Variants in PHLDB2 observed in about 807,000 individuals in gnomAD.
PHLDB2 encodes pleckstrin homology like domain family B member 2.
In PHLDB2, 71 loss-of-function variants were observed where a neutral mutation model predicts 123.6. That is an observed-to-expected ratio of 0.57 (90% CI 0.47 to 0.70). The LOEUF is 0.70. Among genes scored for constraint, PHLDB2 ranks in the 30% least tolerant of loss-of-function variants. PHLDB2 has a pLI of 0.00. For synonymous variants in PHLDB2, 547 were observed against 541.6 expected, an observed-to-expected ratio of 1.01 and a Z score of -0.14; for missense variants, 1,446 against 1,519.5, an observed-to-expected ratio of 0.95 and a Z score of 0.80.
At chr3:111,838,218 C>A (rs1056215097) in intron 1 of PHLDB2, among the ~76,000 whole-genome samples, 1 of 152,078 alleles carries the variant, frequency 6.6e-6, no homozygotes, top group African/African-American at 2.4e-5. Context: ...CCAGGCTTGT[C>A]GCAAACTCCT....
chr3:111,933,629 G>T (rs545684595), intron 6 of PHLDB2, among the ~76,000 whole-genome samples: 77 of 152,220 alleles, frequency 5.1e-4, no homozygotes, highest in African/African-American at 1.8e-3. Flanking sequence ...AGCTGAATTT[G>T]TTGTAAGAAG....
chr3:111,903,496 T>A (rs371245683), intron 2 of PHLDB2, among the ~76,000 whole-genome samples: 1 of 152,138 alleles, frequency 6.6e-6, no homozygotes, highest in Non-Finnish European at 1.5e-5. Context: ...TTTGTGTCCT[T>A]CTAGATAGCC....
chr3:111,774,426 A>G (rs942485878), intron 1 of PHLDB2, among the ~76,000 whole-genome samples: 2 of 152,216 alleles, frequency 1.3e-5, no homozygotes, highest in Non-Finnish European at 2.9e-5. Flanking sequence ...CTGGAAGTTA[A>G]TGGAGATCAG....
chr3:111,859,773 A>C (rs1576914329), intron 1 of PHLDB2, 197 bp downstream of exon 1: 1 of 977,730 alleles, frequency 1.0e-6, no homozygotes, highest in Admixed American at 6.4e-5. Flanking sequence ...GCGAGTCAGG[A>C]GGGGCCGGCG....
chr3:111,741,115 A>C (rs943334950), intron 1 of PHLDB2, among the ~76,000 whole-genome samples: 3 of 152,206 alleles, frequency 2.0e-5, no homozygotes, highest in Non-Finnish European at 4.4e-5. Flanking sequence ...ATTGGACTGG[A>C]TTCTCTAGCA....
intron 13 of PHLDB2, among the ~76,000 whole-genome samples, chr3:111,963,270 G>A (rs946103399): frequency 1.3e-5 from 2 of 152,136 alleles, no homozygotes; most frequent in Non-Finnish European, 2.9e-5. Context: ...ATGATTGAGA[G>A]GATGAAGAAC....
chr3:111,959,027 G>T (rs1285796195), intron 12 of PHLDB2, among the ~76,000 whole-genome samples: 1 of 152,252 alleles, frequency 6.6e-6, no homozygotes, highest in Non-Finnish European at 1.5e-5. Context: ...GCTTCAATGA[G>T]AGTGGAGGCC....
chr3:111,954,015 G>A lies in PHLDB2; in HGVS notation c.2858G>A (p.Arg953Gln), dbSNP rs199924271. 6.2e-6 allele frequency: 10 copies of A among 1,613,152 alleles called. No individual in the cohort carries two copies. Among genetic ancestry groups the A allele is most frequent in the Admixed American group, 1.7e-5 (1 of 59,898 alleles). ...LAAMAKDSES[R>Q]RMLRGYNHQQ... Reference sequence around the variant, plus strand: ...GCCATGGCCAAAGACTCAGAATCTCGGAGGATGCTCAGAGGTACGTACCTT... The same window carrying A: ...GCCATGGCCAAAGACTCAGAATCTCAGAGGATGCTCAGAGGTACGTACCTT... Residue 953 changes from arginine to glutamine, a missense_variant, in exon 12 of 18, where the codon CGG (arginine) becomes CAG (glutamine). Coordinates refer to ENST00000431670, the MANE Select transcript of PHLDB2 (RefSeq NM_001134438.2).
At chr3:111,795,332 C>T (rs1174659481) in intron 1 of PHLDB2, among the ~76,000 whole-genome samples, 1 of 152,120 alleles carries the variant, frequency 6.6e-6, no homozygotes, top group African/African-American at 2.4e-5. Flanking sequence ...TGTACCCTAA[C>T]TGGAAATTTC....
intron 10 of PHLDB2, chr3:111,949,723 G>T (rs774196644): frequency 2.0e-6 from 2 of 985,516 alleles, no homozygotes; most frequent in Non-Finnish European, 2.4e-6. Flanking sequence ...TGTCTATTCT[G>T]GATTTGTGTT....
At chr3:111,855,230 T>G (rs150216814), upstream of PHLDB2, among the ~76,000 whole-genome samples, 75 of 152,298 alleles carry the variant, frequency 4.9e-4, no homozygotes, top group Middle Eastern at 3.4e-3. Context: ...TCAGGGACTG[T>G]AACCACTACA....
At chr3:111,829,987 T>TAGATATGTA (rs2062867071) in intron 1 of PHLDB2, among the ~76,000 whole-genome samples, 6 of 141,708 alleles carry the variant, frequency 4.2e-5, no homozygotes, top group East Asian at 2.1e-4. Flanking sequence ...AACCAAGAAT[T>TAGATATGTA]CCTAAAAGAT....
chr3:111,904,926 T>C (rs2067425590), intron 2 of PHLDB2, among the ~76,000 whole-genome samples: 1 of 152,170 alleles, frequency 6.6e-6, no homozygotes, highest in Non-Finnish European at 1.5e-5. Flanking sequence ...CATTGCTTAA[T>C]GATGGGAATG....
chr3:111,942,368 A>T (rs765665076), intron 8 of PHLDB2, among the ~76,000 whole-genome samples: 1 of 152,166 alleles, frequency 6.6e-6, no homozygotes, highest in South Asian at 2.1e-4. Context: ...TTATTCAGGG[A>T]TTCTATGTTT....
intron 1 of PHLDB2, among the ~76,000 whole-genome samples, chr3:111,760,576 A>G (rs1358159099): frequency 6.6e-6 from 1 of 152,144 alleles, no homozygotes; most frequent in Non-Finnish European, 1.5e-5. Context: ...GGTTATTAAA[A>G]GGTTTGTGTT....
chr3:111,832,286 C>T (rs1576795295), intron 1 of PHLDB2, among the ~76,000 whole-genome samples: 1 of 151,880 alleles, frequency 6.6e-6, no homozygotes, highest in African/African-American at 2.4e-5. Context: ...CCCCTGAATC[C>T]AACAATCTTT....
intron 1 of PHLDB2, among the ~76,000 whole-genome samples, chr3:111,829,955 C>G (rs947534610): frequency 1.3e-5 from 2 of 151,372 alleles, no homozygotes; most frequent in African/African-American, 4.9e-5. Context: ...CACACACACA[C>G]ACACACACAC....
At chr3:111,923,081 C>T (rs920243015) in intron 5 of PHLDB2, among the ~76,000 whole-genome samples, 1 of 152,192 alleles carries the variant, frequency 6.6e-6, no homozygotes. Context: ...CTCTTCTCTT[C>T]ATCATAGCTA....
chr3:111,761,846 A>G (rs2060000905), intron 1 of PHLDB2, among the ~76,000 whole-genome samples: 1 of 152,182 alleles, frequency 6.6e-6, no homozygotes, highest in African/African-American at 2.4e-5. Flanking sequence ...ATTTACCTGG[A>G]AAACCAGCCC....
Sources: allele counts gnomAD v4.1 joint callset (sites outside exome capture counted in the v4.1 genomes callset), GRCh38; gene constraint gnomAD v4.1.1; transcripts MANE v1.5; gene names NCBI Gene and HGNC (gene_info 2026-07-23, HGNC 2026-07-21).